HS3ST6: variants seen among roughly 807,000 people sequenced by gnomAD.
The protein encoded by HS3ST6 is heparan sulfate glucosamine 3-O-sulfotransferase 6.
A neutral mutation model predicts 11.0 loss-of-function variants in HS3ST6; 13 were observed. That is an observed-to-expected ratio of 1.18 (90% CI 0.77 to 1.88). The LOEUF (loss-of-function observed/expected upper bound fraction) is 1.88, where lower values mean the gene tolerates loss of function less well. Among genes scored for constraint, HS3ST6 ranks in the 40% most tolerant of loss-of-function variants. HS3ST6 has a pLI of 0.00. For missense variants in HS3ST6, 541 were observed against 494.4 expected (o/e 1.09, Z -0.89); for synonymous variants, 232 against 230.6 (o/e 1.01, Z -0.06).
At chr16:1,920,468 C>T (rs866980930), upstream of HS3ST6, among the ~76,000 whole-genome samples, 169 of 152,036 alleles carry the variant, frequency 1.1e-3, no homozygotes, top group African/African-American at 3.7e-3. Flanking sequence ...GCCATCCCCA[C>T]GGTCTCAGCA....
In HS3ST6 at chr16:1,918,328, T is replaced by A; in HGVS notation, c.-5A>T. On this transcript the variant is annotated 5_prime_UTR_variant, in exon 1 of 2. Transcript: ENST00000454677. This position sits in a 1 kb window ranked among gnomAD's most constrained non-coding sequence, Gnocchi z 6.0. ...CAGGCCGCCGCTACCTGCCATGGGGTCGCGCCGCTCCAGGCCCGGGAGCGG... is the reference window on the plus strand; with the variant it reads ...CAGGCCGCCGCTACCTGCCATGGGGACGCGCCGCTCCAGGCCCGGGAGCGG... 1 of 363,886 alleles carries A rather than the reference T, an allele frequency of 2.7e-6. No individual in the cohort carries two copies. Among genetic ancestry groups the A allele is most frequent in the Non-Finnish European group, 3.1e-6 (1 of 322,890 alleles). The allele number at this position is 363,886 out of a possible 1,614,324, so 22.5% of individuals were successfully genotyped here.
chr16:1,916,364 C>G (rs557704454), intron 1 of HS3ST6, among the ~76,000 whole-genome samples: 168 of 151,916 alleles, frequency 1.1e-3, no homozygotes, highest in Middle Eastern at 3.4e-3. Flanking sequence ...CGTCAAGAAT[C>G]TACCAGAGCA....
At chr16:1,920,777 G>A (rs903980476), upstream of HS3ST6, among the ~76,000 whole-genome samples, 23 of 152,278 alleles carry the variant, frequency 1.5e-4, no homozygotes, top group Admixed American at 2.6e-4. Context: ...CTCGGCTGAC[G>A]GTGGCTACAC....
chr16:1,911,871 C>T lies in HS3ST6; in HGVS notation c.748G>A (p.Glu250Lys). Residue 250 changes from glutamate to lysine, a missense_variant, in exon 2 of 2, where the codon GAG (glutamate) becomes AAG (lysine). Coordinates refer to ENST00000454677, the MANE Select transcript of HS3ST6 (RefSeq NM_001009606.4). ...CCGGCCGGGTCGCTGACCAGACGCT[C>T]CCCGCTGACGAACAGGAAGTGGGAC... ...PLSHFLFVSG[E>K]RLVSDPAGEV... 3 of 1,607,614 alleles carry T rather than the reference C, an allele frequency of 1.9e-6. No homozygotes were observed. Among genetic ancestry groups the T allele is most frequent in the East Asian group, 2.2e-5 (1 of 44,790 alleles).
intron 1 of HS3ST6, among the ~76,000 whole-genome samples, chr16:1,914,218 C>T (rs750719864): frequency 1.3e-5 from 2 of 152,312 alleles, no homozygotes; most frequent in South Asian, 2.1e-4. Context: ...CTGCACTCCC[C>T]GCCCCACCTC....
chr16:1,917,951 A>C lies in HS3ST6; in HGVS notation c.373T>G (p.Phe125Val). Reference sequence around the variant, plus strand: ...CCGCGCTCGTAGCACCTGTCGAAGAAGTGGGGCTCAGAGCCCAGCGCGCGG... The same window carrying C: ...CCGCGCTCGTAGCACCTGTCGAAGACGTGGGGCTCAGAGCCCAGCGCGCGG... ...DVRALGSEPH[F>V]FDRCYERGLA... The change falls in exon 1 of 2, where the codon TTC becomes GTC. Residue 125 changes from phenylalanine (F) to valine (V), a missense_variant. Phe to Val is a conservative substitution (Grantham distance 50). Transcript: ENST00000454677. 6.6e-7 allele frequency: 1 copy of C among 1,513,650 alleles called. No individual in the cohort carries two copies. Among genetic ancestry groups the C allele is most frequent in the Non-Finnish European group, 8.8e-7 (1 of 1,135,792 alleles). The allele number at this position is 1,513,650 out of a possible 1,614,324, so 93.8% of individuals were successfully genotyped here.
In HS3ST6 at chr16:1,912,227, AG is replaced by A; in HGVS notation, c.414-23del. On this transcript the variant is annotated intron_variant, in intron 1 of 1. Transcript: ENST00000454677. The surrounding 1 kb of genome is among the most constrained non-coding windows in gnomAD (Gnocchi z 5.6). ...ACTCCTGCGGGACGGGTGCAAGGAG[AG>A]GGGGCCTGAGCCTCCCCAGCCCTAG... 7.3e-7 allele frequency: 1 copy of A among 1,374,728 alleles called. No homozygotes were observed. Among genetic ancestry groups the A allele is most frequent in the Non-Finnish European group, 9.4e-7 (1 of 1,062,738 alleles). The allele number at this position is 1,374,728 out of a possible 1,614,324, so 85.2% of individuals were successfully genotyped here.
intron 1 of HS3ST6, among the ~76,000 whole-genome samples, chr16:1,916,278 T>C (rs2082926621): frequency 8.3e-6 from 1 of 120,200 alleles, no homozygotes; most frequent in Non-Finnish European, 1.8e-5. Flanking sequence ...CAATACCAGA[T>C]TAATGAGGCA....
chr16:1,919,979 G>A (rs2082952326), upstream of HS3ST6, among the ~76,000 whole-genome samples: 1 of 152,142 alleles, frequency 6.6e-6, no homozygotes, highest in African/African-American at 2.4e-5. Context: ...GGGGGCTGGG[G>A]TCCCACCCTG....
Position 1,912,816 on chromosome 16 carries a change from G to A in HS3ST6, c.414-611C>T, listed in dbSNP as rs1395425480. On this transcript the variant is annotated intron_variant, in intron 1 of 1. Coordinates refer to ENST00000454677, the MANE Select transcript of HS3ST6 (RefSeq NM_001009606.4). The surrounding 1 kb of genome is among the most constrained non-coding windows in gnomAD (Gnocchi z 5.6). Reference sequence around the variant, plus strand: ...CCATCTTTATTTATTTTTTGAGACGGAGTCTTGCTCTGTCACCCAGGCTGG... The same window carrying A: ...CCATCTTTATTTATTTTTTGAGACGAAGTCTTGCTCTGTCACCCAGGCTGG... 3.3e-5 allele frequency among the ~76,000 whole-genome samples: 5 copies of A among 152,026 alleles called. No individual in the cohort carries two copies. The highest frequency in any genetic ancestry group is 1.2e-4 in the African/African-American group (5 of 41,364).
chr16:1,916,895 C>A (rs888344869), intron 1 of HS3ST6, among the ~76,000 whole-genome samples: 6 of 151,862 alleles, frequency 4.0e-5, no homozygotes, highest in African/African-American at 1.5e-4. Context: ...GGAGCCTGAG[C>A]TGAGGATGCC....
chr16:1,918,122 A>ACGGCTCGGAGGGCGCGGGGGC lies in HS3ST6; in HGVS notation c.181_201dup (p.Ala61_Pro67dup). On this transcript the variant is annotated inframe_insertion, in exon 1 of 2. Transcript: ENST00000454677. The surrounding 1 kb of genome is among the most constrained non-coding windows in gnomAD (Gnocchi z 6.0). Reference sequence around the variant, plus strand: ...GCTCCCGGGCGGTGGACGGAGCTGGACGGCTCGGAGGGCGCGGGGGCCGGC... The same window carrying ACGGCTCGGAGGGCGCGGGGGC: ...GCTCCCGGGCGGTGGACGGAGCTGGACGGCTCGGAGGGCGCGGGGGCCGGCTCGGAGGGCGCGGGGGCCGGC... 1 of 1,260,460 alleles carries ACGGCTCGGAGGGCGCGGGGGC rather than the reference A, an allele frequency of 7.9e-7. No homozygotes were observed. Among genetic ancestry groups the ACGGCTCGGAGGGCGCGGGGGC allele is most frequent in the Non-Finnish European group, 1.0e-6 (1 of 1,003,350 alleles). The allele number at this position is 1,260,460 out of a possible 1,614,324, so 78.1% of individuals were successfully genotyped here.
Position 1,911,819 on chromosome 16 carries a change from A to G in HS3ST6, c.800T>C (p.Leu267Pro). 3.1e-6 allele frequency: 5 copies of G among 1,613,800 alleles called. No homozygotes were observed. Among genetic ancestry groups the G allele is most frequent in the Non-Finnish European group, 4.2e-6 (5 of 1,179,808 alleles). The stretch of plus-strand genomic sequence containing the variant: ...GTCCGTGACGACCCGTTTCAGGCCC[A>G]GGAAGTCCTGCACGCGGCCGACCTC... ...AGEVGRVQDF[L>P]GLKRVVTDKH... The change falls in exon 2 of 2, where the codon CTG becomes CCG. Residue 267 changes from leucine (L) to proline (P), a missense_variant. Leu to Pro is a moderately conservative substitution (Grantham distance 98). Coordinates refer to ENST00000454677, the MANE Select transcript of HS3ST6 (RefSeq NM_001009606.4).
chr16:1,914,840 C>G (rs965047202), intron 1 of HS3ST6, among the ~76,000 whole-genome samples: 1 of 152,168 alleles, frequency 6.6e-6, no homozygotes, highest in Non-Finnish European at 1.5e-5. Flanking sequence ...CCCAGGCATC[C>G]GAAGCCTATC....
chr16:1,914,006 C>T (rs547428964), intron 1 of HS3ST6, among the ~76,000 whole-genome samples: 4 of 152,294 alleles, frequency 2.6e-5, no homozygotes, highest in African/African-American at 4.8e-5. Flanking sequence ...CAGACGATAC[C>T]GGACAAGTCC....
In HS3ST6 at chr16:1,918,074, C is replaced by A. The variant is rs759598105; in HGVS notation, c.250G>T (p.Gly84Cys). 3 of 1,504,428 alleles carry A rather than the reference C, an allele frequency of 2.0e-6. No homozygotes were observed. The highest frequency in any genetic ancestry group is 1.2e-5 in the South Asian group (1 of 80,556). 93.2% of individuals were successfully genotyped at this position (1,504,428 alleles called of 1,614,324 possible). Residue 84 changes from glycine to cysteine, a missense_variant, in exon 1 of 2, where the codon GGT (glycine) becomes TGT (cysteine). Transcript: ENST00000454677. The surrounding 1 kb of genome is among the most constrained non-coding windows in gnomAD (Gnocchi z 6.0). ...TGCGGGAAGCGCCGGCGGCCGGGAC[C>A]GCTGGCCAAAGGCAGGCCGGGTGCT... ...PGAPGLPLAS[G>C]PGRRRFPQAL...
chr16:1,916,850 C>A (rs1285306330), intron 1 of HS3ST6, among the ~76,000 whole-genome samples: 1 of 151,544 alleles, frequency 6.6e-6, no homozygotes, highest in African/African-American at 2.4e-5. Flanking sequence ...GCATTCTGAC[C>A]CCTGCCTGCC....
At chr16:1,919,768 T>C (rs558873887), upstream of HS3ST6, among the ~76,000 whole-genome samples, 41 of 152,268 alleles carry the variant, frequency 2.7e-4, no homozygotes, top group African/African-American at 9.6e-4. Context: ...GCTGACGGGG[T>C]GAAGACCACT....
At position 1,911,546 on chromosome 16, in the gene HS3ST6, C is replaced by A. The variant is rs765920687; in HGVS notation, c.*44G>T. 6.6e-7 allele frequency: 1 copy of A among 1,518,950 alleles called. No individual in the cohort carries two copies. The highest frequency in any genetic ancestry group is 8.8e-7 in the Non-Finnish European group (1 of 1,132,284). The allele number at this position is 1,518,950 out of a possible 1,614,324, so 94.1% of individuals were successfully genotyped here. The stretch of plus-strand genomic sequence containing the variant: ...GTGCACGCAGCCCGCTCTGGCCAGG[C>A]GAGCGGGTGTCAATCAAGGTGCTGA... On this transcript the variant is annotated 3_prime_UTR_variant, in exon 2 of 2. Transcript: ENST00000454677.
Sources: gnomAD v4.1 joint callset for allele counts (sites outside exome capture counted in the v4.1 genomes callset) on GRCh38, gnomAD v4.1.1 for gene constraint, Gnocchi (gnomAD v3.1) non-coding constraint, MANE v1.5 for transcripts, NCBI Gene and HGNC (gene_info 2026-07-23, HGNC 2026-07-21) for gene names.